GRID2: variants seen among roughly 807,000 people sequenced by gnomAD.
GRID2 encodes glutamate ionotropic receptor delta type subunit 2.
GRID2 carries 33 observed loss-of-function variants against 114.8 expected under a neutral mutation model. That is an observed-to-expected ratio of 0.29 (90% CI 0.22 to 0.38). The LOEUF (loss-of-function observed/expected upper bound fraction) is 0.38, where lower values mean the gene tolerates loss of function less well. Among genes scored for constraint, GRID2 ranks in the 10% least tolerant of loss-of-function variants. GRID2 has a pLI of 1.00. For synonymous variants in GRID2, 505 were observed against 449.9 expected (o/e 1.12, Z -1.55); for missense variants, 1,184 against 1,257.7 (o/e 0.94, Z 0.89).
chr4:93,673,626 T>C (rs1430590013), intron 14 of GRID2, among the ~76,000 whole-genome samples: 1 of 152,236 alleles, frequency 6.6e-6, no homozygotes, highest in Admixed American at 6.5e-5. Context: ...TTCTAATGAA[T>C]GTAGACAGAT....
intron 2 of GRID2, among the ~76,000 whole-genome samples, chr4:92,662,558 C>T (rs1438671779): frequency 2.0e-5 from 3 of 150,814 alleles, no homozygotes; most frequent in African/African-American, 7.3e-5. Context: ...CTAACTTCTC[C>T]AGACACTACT....
chr4:92,375,658 A>G (rs1361676779), intron 1 of GRID2, among the ~76,000 whole-genome samples: 2 of 152,196 alleles, frequency 1.3e-5, no homozygotes, highest in Non-Finnish European at 2.9e-5. Context: ...TCATTTAGCT[A>G]CATTGGAGAT....
intron 1 of GRID2, among the ~76,000 whole-genome samples, chr4:92,374,305 C>T (rs1471502190): frequency 6.6e-6 from 1 of 152,122 alleles, no homozygotes; most frequent in Admixed American, 6.6e-5. Context: ...CCCAGGCATT[C>T]ATTTCTATTA....
intron 2 of GRID2, among the ~76,000 whole-genome samples, chr4:92,735,403 A>C (rs1462901824): frequency 2.0e-5 from 3 of 152,162 alleles, no homozygotes; most frequent in African/African-American, 7.2e-5. Flanking sequence ...ATACTGTAAT[A>C]AAAGGTATGT....
chr4:92,969,507 G>A (rs1205383046), intron 2 of GRID2, among the ~76,000 whole-genome samples: 2 of 151,672 alleles, frequency 1.3e-5, no homozygotes, highest in East Asian at 3.9e-4. Flanking sequence ...CTTCTAGATG[G>A]AATTACAACT....
chr4:92,688,345 C>T (rs1241513378), intron 2 of GRID2, among the ~76,000 whole-genome samples: 3 of 151,922 alleles, frequency 2.0e-5, no homozygotes, highest in Non-Finnish European at 2.9e-5. Flanking sequence ...CCACCACGCC[C>T]GGCCAACTCT....
chr4:92,518,083 TATA>T (rs1445690365), intron 1 of GRID2, among the ~76,000 whole-genome samples: 6 of 151,864 alleles, frequency 4.0e-5, no homozygotes, highest in Non-Finnish European at 8.8e-5. Flanking sequence ...TCTACAATCT[TATA>T]ATGAGTGTGT....
intron 2 of GRID2, among the ~76,000 whole-genome samples, chr4:92,889,756 G>GA (rs1484008230): frequency 1.3e-5 from 2 of 152,046 alleles, no homozygotes; most frequent in African/African-American, 2.4e-5. Context: ...CACAGAATTA[G>GA]AAAAAACTAC....
At chr4:92,336,530 C>A (rs1727175083) in intron 1 of GRID2, among the ~76,000 whole-genome samples, 1 of 152,182 alleles carries the variant, frequency 6.6e-6, no homozygotes, top group African/African-American at 2.4e-5. Context: ...TTGGCTGCTG[C>A]AGTAACCTCA....
chr4:93,234,355 A>G (rs932637108), intron 7 of GRID2, among the ~76,000 whole-genome samples: 5 of 152,224 alleles, frequency 3.3e-5, no homozygotes, highest in African/African-American at 9.6e-5. Flanking sequence ...CACAGTTTAC[A>G]TAGTCCAAAG....
chr4:92,637,394 T>A (rs903809698), intron 2 of GRID2, among the ~76,000 whole-genome samples: 1 of 152,038 alleles, frequency 6.6e-6, no homozygotes, highest in Non-Finnish European at 1.5e-5. Flanking sequence ...CAAAATAGAA[T>A]GTATATTTTT....
At chr4:93,611,879 T>A (rs1351162350) in intron 13 of GRID2, among the ~76,000 whole-genome samples, 2 of 151,766 alleles carry the variant, frequency 1.3e-5, no homozygotes. Context: ...TTGTTGACTT[T>A]CTGTCTCATG....
At chr4:92,806,551 G>A (rs907856196) in intron 2 of GRID2, among the ~76,000 whole-genome samples, 1 of 151,412 alleles carries the variant, frequency 6.6e-6, no homozygotes, top group Non-Finnish European at 1.5e-5. Context: ...ACCAAGTAAT[G>A]TATCTTATTT....
At chr4:92,938,567 C>A (rs1750841548) in intron 2 of GRID2, among the ~76,000 whole-genome samples, 1 of 143,546 alleles carries the variant, frequency 7.0e-6, no homozygotes, top group African/African-American at 2.5e-5. Flanking sequence ...GTCAATATTT[C>A]TTTTTTTTTA....
chr4:93,444,807 A>ATAT (rs1367784418), intron 10 of GRID2, among the ~76,000 whole-genome samples: 1 of 152,058 alleles, frequency 6.6e-6, no homozygotes, highest in Non-Finnish European at 1.5e-5. Flanking sequence ...CATTATGATA[A>ATAT]GGTTTATGGA....
intron 8 of GRID2, among the ~76,000 whole-genome samples, chr4:93,368,541 A>G (rs775039890): frequency 8.3e-4 from 126 of 152,044 alleles, no homozygotes; most frequent in Non-Finnish European, 1.4e-3. Flanking sequence ...TCCTAATGCT[A>G]TCTCTCCCCA....
chr4:93,514,495 A>T (rs1729505977), intron 12 of GRID2, among the ~76,000 whole-genome samples: 1 of 151,488 alleles, frequency 6.6e-6, no homozygotes, highest in African/African-American at 2.4e-5. Context: ...GAAATATAGA[A>T]ATAACAACCA....
chr4:93,257,661 T>C (rs1181697356), intron 8 of GRID2, among the ~76,000 whole-genome samples: 2 of 151,596 alleles, frequency 1.3e-5, no homozygotes, highest in African/African-American at 4.8e-5. Context: ...GCATTTTGTA[T>C]TTTTAATGTT....
intron 1 of GRID2, among the ~76,000 whole-genome samples, chr4:92,475,132 TAATAA>T (rs1722238254): frequency 1.7e-5 from 1 of 58,450 alleles, no homozygotes; most frequent in Non-Finnish European, 3.8e-5. Context: ...TAATAATAAA[TAATAA>T]TAATAATAAT....
Sources: allele counts gnomAD v4.1 joint callset (sites outside exome capture counted in the v4.1 genomes callset), GRCh38; gene constraint gnomAD v4.1.1; transcripts MANE v1.5; gene names NCBI Gene and HGNC (gene_info 2026-07-23, HGNC 2026-07-21).